Variants in ZMIZ1 observed in about 807,000 individuals in gnomAD.
ZMIZ1 encodes the protein zinc finger MIZ domain-containing protein 1.
In ZMIZ1, 17 loss-of-function variants were observed where a neutral mutation model predicts 113.9. That is an observed-to-expected ratio of 0.15 (90% CI 0.10 to 0.22). ZMIZ1 has a LOEUF of 0.22. ZMIZ1 is among the 10% of genes least tolerant of loss of function. The probability of loss-of-function intolerance (pLI) is 1.00; values close to 1 mark genes in which losing one functional copy is unlikely to be tolerated. For synonymous variants in ZMIZ1, 607 were observed against 603.1 expected, an observed-to-expected ratio of 1.01 and a Z score of -0.09; for missense variants, 1,059 against 1,477.8, an observed-to-expected ratio of 0.72 and a Z score of 4.65.
chr10:79,240,047 C>G (rs949871318), intron 7 of ZMIZ1, among the ~76,000 whole-genome samples: 1 of 152,232 alleles, frequency 6.6e-6, no homozygotes, highest in Non-Finnish European at 1.5e-5. Flanking sequence ...GGCGGCTCCT[C>G]CTCGCCAGGG....
Position 79,312,951 on chromosome 10 carries a change from G to A in ZMIZ1, c.*202G>A. On this transcript the variant is annotated 3_prime_UTR_variant, in exon 25 of 25. Transcript: ENST00000334512. Reference sequence around the variant, plus strand: ...CCAGTGCACCAGGAAGGCTGTGTGGGTCTGGAGCCCACGTCCCACCTCCAC... The same window carrying A: ...CCAGTGCACCAGGAAGGCTGTGTGGATCTGGAGCCCACGTCCCACCTCCAC... The A allele has an allele frequency of 1.7e-6, 1 of 586,276 alleles. No individual in the cohort carries two copies. The highest frequency in any genetic ancestry group is 3.0e-6 in the Non-Finnish European group (1 of 330,218). The allele number at this position is 586,276 out of a possible 1,614,324, so 36.3% of individuals were successfully genotyped here.
intron 2 of ZMIZ1, among the ~76,000 whole-genome samples, chr10:79,139,285 A>G (rs910459387): frequency 4.6e-5 from 7 of 152,134 alleles, no homozygotes; most frequent in Non-Finnish European, 1.0e-4. Context: ...GGCACGGCGC[A>G]GAGAGGAGGC....
chr10:79,121,311 C>G (rs1464490900), intron 2 of ZMIZ1, among the ~76,000 whole-genome samples: 2 of 152,128 alleles, frequency 1.3e-5, no homozygotes, highest in Non-Finnish European at 2.9e-5. Flanking sequence ...CCACACTGCA[C>G]CCACCTCAAT....
At chr10:79,170,939 A>G (rs1311699251) in intron 4 of ZMIZ1, among the ~76,000 whole-genome samples, 4 of 152,090 alleles carry the variant, frequency 2.6e-5, no homozygotes, top group African/African-American at 9.7e-5. Context: ...AGCCCCTAGG[A>G]AAAGAGAGTG....
intron 9 of ZMIZ1, chr10:79,290,686 G>A: frequency 4.6e-6 from 3 of 655,236 alleles, no homozygotes; most frequent in Non-Finnish European, 8.5e-6. Flanking sequence ...CAGCCCCTGG[G>A]GACCGCTTGA....
intron 7 of ZMIZ1, among the ~76,000 whole-genome samples, chr10:79,217,388 G>A (rs906548230): frequency 6.6e-6 from 1 of 152,132 alleles, no homozygotes; most frequent in Non-Finnish European, 1.5e-5. Flanking sequence ...TCGCGCCACT[G>A]CACTCCAGCC....
intron 1 of ZMIZ1, among the ~76,000 whole-genome samples, chr10:79,109,189 G>T (rs753509834): frequency 3.3e-5 from 5 of 152,152 alleles, no homozygotes; most frequent in African/African-American, 9.7e-5. Flanking sequence ...ATGTCTGTTC[G>T]CTGTCCTGTG....
intron 4 of ZMIZ1, among the ~76,000 whole-genome samples, chr10:79,191,540 T>G (rs1847601631): frequency 6.6e-6 from 1 of 152,174 alleles, no homozygotes; most frequent in Non-Finnish European, 1.5e-5. Flanking sequence ...GCATGAGCAC[T>G]GCTATCCTGG....
intron 5 of ZMIZ1, among the ~76,000 whole-genome samples, chr10:79,207,564 A>G (rs879400270): frequency 6.2e-4 from 95 of 152,102 alleles, no homozygotes; most frequent in Middle Eastern, 6.3e-3. Context: ...CAGGAGGCCC[A>G]GCACCCTGGC....
intron 8 of ZMIZ1, among the ~76,000 whole-genome samples, chr10:79,284,941 G>A (rs1414753610): frequency 6.6e-6 from 1 of 152,210 alleles, no homozygotes; most frequent in Non-Finnish European, 1.5e-5. Context: ...CTGCAGCTGG[G>A]CTTTGAGGCC....
chr10:79,308,880 A>T (rs1854918089), intron 23 of ZMIZ1, among the ~76,000 whole-genome samples: 1 of 152,084 alleles, frequency 6.6e-6, no homozygotes, highest in South Asian at 2.1e-4. Flanking sequence ...TTGACAATCA[A>T]GCTTTCTCCT....
chr10:79,248,190 A>G (rs1850324294), intron 7 of ZMIZ1, among the ~76,000 whole-genome samples: 1 of 152,178 alleles, frequency 6.6e-6, no homozygotes. Context: ...TATAGAAGGA[A>G]GAGGGGAAAA....
At chr10:79,114,506 C>CGTGTGCGTGT (rs1843922740) in intron 1 of ZMIZ1, among the ~76,000 whole-genome samples, 1 of 93,248 alleles carries the variant, frequency 1.1e-5, no homozygotes, top group East Asian at 3.3e-4. Context: ...TGTGTGTGTG[C>CGTGTGCGTGT]GTGTGTGTGT....
chr10:79,211,998 G>A (rs1848547851), intron 6 of ZMIZ1, among the ~76,000 whole-genome samples: 2 of 152,200 alleles, frequency 1.3e-5, no homozygotes, highest in South Asian at 4.1e-4. Context: ...CCCCCTGCCA[G>A]TAATGGAGAC....
chr10:79,302,978 C>T, intron 18 of ZMIZ1, among the ~76,000 whole-genome samples: 1 of 151,812 alleles, frequency 6.6e-6, no homozygotes, highest in Admixed American at 6.6e-5. Flanking sequence ...TCTCCTGCCT[C>T]AGCCTCCCGA....
chr10:79,293,097 T>C (rs994650158), intron 11 of ZMIZ1, among the ~76,000 whole-genome samples: 33 of 151,902 alleles, frequency 2.2e-4, no homozygotes, highest in Admixed American at 2.0e-3. Flanking sequence ...CCTCCCTCCC[T>C]GGAAATGCTG....
chr10:79,291,213 C>T, intron 10 of ZMIZ1, 37 bp downstream of exon 10: 1 of 1,557,652 alleles, frequency 6.4e-7, no homozygotes, highest in Non-Finnish European at 8.7e-7. Flanking sequence ...GCCATGGACG[C>T]CACCCCTCTT....
intron 1 of ZMIZ1, among the ~76,000 whole-genome samples, chr10:79,079,490 C>T (rs1210420911): frequency 6.6e-6 from 1 of 152,250 alleles, no homozygotes; most frequent in East Asian, 1.9e-4. Context: ...CTCTTCCATT[C>T]CACCTCAGTC....
At chr10:79,135,423 A>G (rs1375479993) in intron 2 of ZMIZ1, among the ~76,000 whole-genome samples, 2 of 151,958 alleles carry the variant, frequency 1.3e-5, no homozygotes, top group South Asian at 2.1e-4. Context: ...TTTCACTGGG[A>G]CTCTGTTGGG....
Sources: allele counts gnomAD v4.1 joint callset (sites outside exome capture counted in the v4.1 genomes callset), GRCh38; gene constraint gnomAD v4.1.1; transcripts MANE v1.5; gene names NCBI Gene and HGNC (gene_info 2026-07-23, HGNC 2026-07-21).